INO80D: variants seen among roughly 807,000 people sequenced by gnomAD.
The protein encoded by INO80D is INO80 complex subunit D.
Under a neutral mutation model 87.6 loss-of-function variants are expected in INO80D, and 21 were observed. The observed-to-expected ratio is 0.24, with a 90% confidence interval of 0.17 to 0.35. INO80D has a LOEUF of 0.35. Ranked by LOEUF, INO80D falls within the 10% of genes least tolerant of loss-of-function variation. The pLI is 1.00. For synonymous variants in INO80D, 440 were observed against 491.0 expected (o/e 0.90, Z 1.37); for missense variants, 982 against 1,280.7 (o/e 0.77, Z 3.56).
intron 6 of INO80D, 105 bp from the exon 7 acceptor site, chr2:206,019,950 A>G: frequency 1.4e-6 from 1 of 714,236 alleles, no homozygotes; most frequent in Non-Finnish European, 2.4e-6. Flanking sequence ...ATTATAATAT[A>G]TATAACATCT....
At position 206,033,187 on chromosome 2, in the gene INO80D, T is replaced by C. The variant is rs1394853933; in HGVS notation, c.1074-4852A>G. 2.6e-5 allele frequency among the ~76,000 whole-genome samples: 4 copies of C among 152,174 alleles called. No individual in the cohort carries two copies. The East Asian group carries it at 7.7e-4, about 29-fold the overall frequency. On this transcript the variant is annotated intron_variant, in intron 5 of 10. Coordinates refer to ENST00000403263, the MANE Select transcript of INO80D (RefSeq NM_017759.5). Reference sequence around the variant, plus strand: ...AAGCAAGTAGGGGTAGCTATTCTTATATCAGACAAAACAAACTTTAAAGTA... The same window carrying C: ...AAGCAAGTAGGGGTAGCTATTCTTACATCAGACAAAACAAACTTTAAAGTA...
intron 5 of INO80D, chr2:206,040,658 A>G (rs1046923277): frequency 1.4e-4 from 32 of 229,498 alleles, no homozygotes; most frequent in Non-Finnish European, 9.5e-5. Context: ...GTGAAGGTTT[A>G]TAACTACAAT....
At position 206,005,059 on chromosome 2, in the gene INO80D, T is replaced by C. The variant is rs754941831; in HGVS notation, c.2393A>G (p.His798Arg). Residue 798 changes from histidine (H) to arginine (R), a missense_variant, in exon 11 of 11, where the codon CAT becomes CGT. Transcript: ENST00000403263. ...HDGSHASQRP[H>R]PAQLLSKADD... ...TGCCTTGCTCAGCAGCTGGGCAGGA[T>C]GTGGCCTCTGGGAGGCATGGCTGCC... 1 of 1,613,940 alleles carries C rather than the reference T, an allele frequency of 6.2e-7. No homozygotes were observed. Among genetic ancestry groups the C allele is most frequent in the Non-Finnish European group, 8.5e-7 (1 of 1,179,878 alleles).
chr2:206,006,518 A>G (rs905297656), intron 10 of INO80D, among the ~76,000 whole-genome samples: 1 of 151,796 alleles, frequency 6.6e-6, no homozygotes, highest in Non-Finnish European at 1.5e-5. Context: ...CCCCGCCTCT[A>G]CTAAAAATAG....
chr2:206,059,602 G>A (rs1412576542), intron 3 of INO80D, among the ~76,000 whole-genome samples: 2 of 152,156 alleles, frequency 1.3e-5, no homozygotes, highest in African/African-American at 2.4e-5. Flanking sequence ...ATGTGTGGGT[G>A]TGTTTTGTTG....
At chr2:206,047,371 A>G (rs1327790836) in intron 4 of INO80D, among the ~76,000 whole-genome samples, 1 of 151,966 alleles carries the variant, frequency 6.6e-6, no homozygotes. Flanking sequence ...GGTGAGCACC[A>G]CCACGCCCAG....
At chr2:206,026,428 C>A (rs182052919) in intron 6 of INO80D, among the ~76,000 whole-genome samples, 1 of 151,746 alleles carries the variant, frequency 6.6e-6, no homozygotes, top group African/African-American at 2.4e-5. Context: ...CACCTGTAAT[C>A]CCAGCTACTT....
At position 206,082,300 on chromosome 2, in the gene INO80D, G is replaced by A. The variant is rs148132231; in HGVS notation, c.-124+3601C>T. 2.4e-3 allele frequency among the ~76,000 whole-genome samples: 373 copies of A among 152,310 alleles called. 3 individuals carry two copies. Among genetic ancestry groups the A allele is most frequent in the African/African-American group, 8.6e-3 (357 of 41,578 alleles). On this transcript the variant is annotated intron_variant, in intron 1 of 10. Coordinates refer to ENST00000403263, the MANE Select transcript of INO80D (RefSeq NM_017759.5). ...CTCCCAAAGTGCTGGGATTACAGGCGTGAGCCACCACGCCCGGCCTAAAAA... is the reference window on the plus strand; with the variant it reads ...CTCCCAAAGTGCTGGGATTACAGGCATGAGCCACCACGCCCGGCCTAAAAA...
intron 6 of INO80D, among the ~76,000 whole-genome samples, chr2:206,027,530 C>A (rs2105832703): frequency 6.6e-6 from 1 of 152,134 alleles, no homozygotes; most frequent in Admixed American, 6.5e-5. Flanking sequence ...GAGACCCTCA[C>A]CTCTACAAAA....
chr2:206,076,348 G>A (rs896785497), intron 1 of INO80D, among the ~76,000 whole-genome samples: 2 of 152,106 alleles, frequency 1.3e-5, no homozygotes, highest in African/African-American at 2.4e-5. Flanking sequence ...TCTTAAAAAC[G>A]TTTTTCCATG....
chr2:206,005,901 CAT>C (rs1688011291), intron 10 of INO80D, among the ~76,000 whole-genome samples: 1 of 152,094 alleles, frequency 6.6e-6, no homozygotes, highest in African/African-American at 2.4e-5. Context: ...ACATAGAAAA[CAT>C]ATATCAACTT....
chr2:206,006,439 T>C (rs752497244), intron 10 of INO80D, among the ~76,000 whole-genome samples: 14 of 152,038 alleles, frequency 9.2e-5, no homozygotes, highest in African/African-American at 1.9e-4. Context: ...TCCCAGCACG[T>C]TGGGAGGCCA....
chr2:206,035,649 T>C (rs920510461), intron 5 of INO80D, among the ~76,000 whole-genome samples: 3 of 152,106 alleles, frequency 2.0e-5, no homozygotes, highest in African/African-American at 7.2e-5. Context: ...GGAAAAACCT[T>C]CCTAGACATT....
intron 1 of INO80D, among the ~76,000 whole-genome samples, chr2:206,081,251 C>G (rs761983886): frequency 3.9e-5 from 6 of 152,306 alleles, no homozygotes; most frequent in East Asian, 1.9e-4. Flanking sequence ...CCTACCCTTA[C>G]GTTTTTCCTC....
In INO80D at chr2:206,062,735, A is replaced by G. The variant is rs1689718654; in HGVS notation, c.218+64T>C. 2 of 1,376,728 alleles carry G rather than the reference A, an allele frequency of 1.5e-6. No individual in the cohort carries two copies. The highest frequency in any genetic ancestry group is 9.9e-7 in the Non-Finnish European group (1 of 1,007,308). The allele number at this position is 1,376,728 out of a possible 1,614,324, so 85.3% of individuals were successfully genotyped here. A position where few individuals can be genotyped will look rare whatever the true frequency, so the allele number is the denominator to read the frequency against. On this transcript the variant is annotated intron_variant, in intron 3 of 10. Transcript: ENST00000403263. This position sits in a 1 kb window ranked among gnomAD's most constrained non-coding sequence, Gnocchi z 4.6. The stretch of plus-strand genomic sequence containing the variant: ...ACAGAAGAAAAGAGAAGAAAAAACA[A>G]GAAAAGAAAAAATTCCAAGCCTGTT...
In INO80D at chr2:205,995,645, A is replaced by G. The variant is rs1488119613; in HGVS notation, c.*8723T>C. 1 of 152,176 alleles carries G rather than the reference A, an allele frequency of 6.6e-6. No individual in the cohort carries two copies. The highest frequency in any genetic ancestry group is 6.5e-5 in the Admixed American group (1 of 15,274). The allele number at this position is 152,176 out of a possible 1,614,324, so 9.4% of individuals were successfully genotyped here. A position where few individuals can be genotyped will look rare whatever the true frequency, so the allele number is the denominator to read the frequency against. On this transcript the variant is annotated 3_prime_UTR_variant, in exon 11 of 11. Transcript: ENST00000403263. ...ATATATACTAGAGACATACTGTGTG[A>G]GTACATACGAAAGCATATGTACACA...
rs1013034554 is a variant in INO80D at position 206,045,715 on chromosome 2, TA to T, written c.1073+788del. On this transcript the variant is annotated intron_variant, in intron 5 of 10. Transcript: ENST00000403263. The stretch of plus-strand genomic sequence containing the variant: ...AGAAAACCCCTCAGGAGATCTAGCC[TA>T]AAAAAAAAAAAAATTGTAGCACAGT... 2.1e-3 allele frequency among the ~76,000 whole-genome samples: 295 copies of T among 137,334 alleles called. 1 individual carries two copies. Among genetic ancestry groups the T allele is most frequent in the East Asian group, 5.2e-3 (25 of 4,834 alleles). The allele number at this position is 137,334 out of a possible 152,430, so 90.1% of individuals were successfully genotyped here. A position where few individuals can be genotyped will look rare whatever the true frequency, so the allele number is the denominator to read the frequency against.
At position 206,056,246 on chromosome 2, in the gene INO80D, G is replaced by C; in HGVS notation, c.916C>G (p.Leu306Val). Residue 306 changes from leucine (L) to valine (V), a missense_variant, in exon 4 of 11, where the codon CTG (leucine) becomes GTG (valine). Physicochemically the swap from Leu to Val is conservative, Grantham distance 32. Transcript: ENST00000403263. ...CISRLQRLVK[L>V]CTQKHQLDTD... ...TCCAACTGATGTTTCTGGGTGCACA[G>C]TTTCACCAGTCTCTGCAGTCGGCTT... The C allele has an allele frequency of 2.5e-6, 4 of 1,610,300 alleles. No individual in the cohort carries two copies. Among genetic ancestry groups the C allele is most frequent in the Non-Finnish European group, 3.4e-6 (4 of 1,178,478 alleles).
chr2:206,003,953 A>G lies in INO80D; in HGVS notation c.*415T>C. On this transcript the variant is annotated 3_prime_UTR_variant, in exon 11 of 11. Coordinates refer to ENST00000403263, the MANE Select transcript of INO80D (RefSeq NM_017759.5). ...ACCATTTGCTGTCTCTTATACAGGA[A>G]CTCAATTAATAAGATCATTCTATCT... 1 of 187,588 alleles carries G rather than the reference A, an allele frequency of 5.3e-6. No homozygotes were observed. Among genetic ancestry groups the G allele is most frequent in the Admixed American group, 5.5e-5 (1 of 18,320 alleles). The allele number at this position is 187,588 out of a possible 1,614,324, so 11.6% of individuals were successfully genotyped here. A position where few individuals can be genotyped will look rare whatever the true frequency, so the allele number is the denominator to read the frequency against.
Sources: gnomAD v4.1 joint callset for allele counts (sites outside exome capture counted in the v4.1 genomes callset) on GRCh38, gnomAD v4.1.1 for gene constraint, Gnocchi (gnomAD v3.1) non-coding constraint, MANE v1.5 for transcripts, NCBI Gene and HGNC (gene_info 2026-07-23, HGNC 2026-07-21) for gene names.